Variants in RTN4 observed in about 807,000 individuals in gnomAD.
RTN4 encodes the protein reticulon-4.
Under a neutral mutation model 90.4 loss-of-function variants are expected in RTN4, and 32 were observed. The ratio of observed to expected loss-of-function variants is 0.35; its 90% confidence interval spans 0.27 to 0.48. The LOEUF is 0.48. Ranked by LOEUF, RTN4 falls within the 20% of genes least tolerant of loss-of-function variation. The pLI, the probability that RTN4 is intolerant of heterozygous loss-of-function variation, is 0.99. For missense variants in RTN4, 1,706 were observed against 1,430.2 expected (o/e 1.19, Z -3.11); for synonymous variants, 629 against 552.5 (o/e 1.14, Z -1.94).
At chr2:54,996,421 T>C (rs1300101172) in intron 3 of RTN4, among the ~76,000 whole-genome samples, 1 of 152,150 alleles carries the variant, frequency 6.6e-6, no homozygotes, top group Non-Finnish European at 1.5e-5. Context: ...GACTCGAACC[T>C]CCCTATATCA....
chr2:55,026,623 G>A lies in RTN4; in HGVS notation c.1476C>T (p.Thr492=), dbSNP rs115896469. Residue 492 remains threonine, a synonymous_variant, in exon 3 of 9, where the codon ACC becomes ACT. Coordinates refer to ENST00000337526, the MANE Select transcript of RTN4 (RefSeq NM_020532.5). ...LLGDPTSENK[T]DEKKIEEKKA... is the part of the protein sequence containing the mutation. ...TCTTTTCTTCTATTTTTTTTTCATC[G>A]GTCTTATTTTCTGAAGTAGGATCTC... 619 of 1,608,994 alleles carry A rather than the reference G, an allele frequency of 3.8e-4. 5 individuals carry two copies. The South Asian group carries it at 4.9e-3, about 13-fold the overall frequency.
intron 1 of RTN4, among the ~76,000 whole-genome samples, chr2:55,039,451 TAAAA>T (rs1558840619): frequency 6.6e-6 from 1 of 151,852 alleles, no homozygotes; most frequent in South Asian, 2.1e-4. Flanking sequence ...ACTGTAAAAA[TAAAA>T]AGAAAGAAAG....
chr2:55,034,460 C>A (rs1352858313), intron 1 of RTN4, among the ~76,000 whole-genome samples: 1 of 152,096 alleles, frequency 6.6e-6, no homozygotes, highest in Non-Finnish European at 1.5e-5. Context: ...TATGATCAGG[C>A]CACTGGACTC....
At chr2:54,974,036 A>G (rs1366199674) in intron 6 of RTN4, 169 bp from the exon 7 acceptor site, 32 of 579,858 alleles carry the variant, frequency 5.5e-5, no homozygotes, top group Non-Finnish European at 9.1e-5. Context: ...GCCACTCCAG[A>G]GGAATGAATG....
chr2:55,046,756 C>A (rs942550116), intron 1 of RTN4: 7 of 152,164 alleles, frequency 4.6e-5, no homozygotes, highest in African/African-American at 1.7e-4. Context: ...ATTAAGAAAT[C>A]CAGACACATT....
chr2:55,115,577 A>G (rs182837628), upstream of RTN4, among the ~76,000 whole-genome samples: 2 of 152,360 alleles, frequency 1.3e-5, no homozygotes, highest in East Asian at 3.9e-4. Flanking sequence ...TCACAAAATC[A>G]TGAGAAACGA....
At chr2:55,033,768 T>C (rs536905947) in intron 1 of RTN4, among the ~76,000 whole-genome samples, 4 of 152,206 alleles carry the variant, frequency 2.6e-5, no homozygotes, top group Non-Finnish European at 5.9e-5. Flanking sequence ...ATAACAGTTG[T>C]TTTATATTTT....
chr2:54,973,217 A>T lies in RTN4; in HGVS notation c.3537-19T>A, dbSNP rs759611253. Reference sequence around the variant, plus strand: ...TTGGATTCTGAAAATGAAAAAGTCAATGTAAATATCAGTTTTGTTTGCTGC... The same window carrying T: ...TTGGATTCTGAAAATGAAAAAGTCATTGTAAATATCAGTTTTGTTTGCTGC... On this transcript the variant is annotated intron_variant, in intron 8 of 8. Coordinates refer to ENST00000337526, the MANE Select transcript of RTN4 (RefSeq NM_020532.5). The T allele has an allele frequency of 1.3e-6, 2 of 1,596,210 alleles. No individual in the cohort carries two copies. Among genetic ancestry groups the T allele is most frequent in the South Asian group, 2.2e-5 (2 of 89,962 alleles).
intron 2 of RTN4, among the ~76,000 whole-genome samples, chr2:55,070,928 C>G (rs1436189438): frequency 6.6e-6 from 1 of 151,936 alleles, no homozygotes; most frequent in Admixed American, 6.6e-5. Context: ...AGGTGCCCAC[C>G]ACCACGCCTG....
At chr2:55,010,320 A>G in intron 3 of RTN4, 2 of 1,391,088 alleles carry the variant, frequency 1.4e-6, no homozygotes, top group Non-Finnish European at 1.9e-6. Flanking sequence ...ACGCAGTGCA[A>G]TCTGTAACTA....
At chr2:55,120,079 G>C in the RTN4 span, among the ~76,000 whole-genome samples, 1 of 152,248 alleles carries the variant, frequency 6.6e-6, no homozygotes, top group Non-Finnish European at 1.5e-5. Context: ...CCACGGCACT[G>C]AGAGGTGGGG....
At chr2:55,130,433 T>A in the RTN4 span, among the ~76,000 whole-genome samples, 6 of 152,196 alleles carry the variant, frequency 3.9e-5, no homozygotes, top group Non-Finnish European at 7.3e-5. Context: ...TGTTAATCAT[T>A]TCACAATGTA....
At chr2:55,024,686 T>A (rs1423058114) in intron 3 of RTN4, among the ~76,000 whole-genome samples, 1 of 152,090 alleles carries the variant, frequency 6.6e-6, no homozygotes, top group African/African-American at 2.4e-5. Context: ...CTATAGAAAT[T>A]TTCTTTAAAA....
intron 1 of RTN4, among the ~76,000 whole-genome samples, chr2:55,091,777 A>G (rs963971645): frequency 3.9e-5 from 6 of 152,246 alleles, no homozygotes; most frequent in Non-Finnish European, 7.3e-5. Flanking sequence ...ACAGTTCCAC[A>G]TGGCTGGGGA....
At chr2:55,055,652 C>T (rs1483166647), upstream of RTN4, among the ~76,000 whole-genome samples, 2 of 151,928 alleles carry the variant, frequency 1.3e-5, no homozygotes, top group African/African-American at 4.8e-5. Flanking sequence ...CGCCTGTAGT[C>T]CCAGCTACTC....
chr2:55,000,952 C>T (rs556308778), intron 3 of RTN4, among the ~76,000 whole-genome samples: 1 of 151,796 alleles, frequency 6.6e-6, no homozygotes, highest in South Asian at 2.1e-4. Flanking sequence ...TAGAAGCAAT[C>T]TGAATTGTTC....
rs1369892898 is a variant in RTN4 at position 54,973,111 on chromosome 2, A to C, written c.*45T>G. On this transcript the variant is annotated 3_prime_UTR_variant, in exon 9 of 9. Coordinates refer to ENST00000337526, the MANE Select transcript of RTN4 (RefSeq NM_020532.5). Reference sequence around the variant, plus strand: ...GACCCTCCCCCGTATAATCAAATGAATATCCCCTTTAAAGATGAACTCCTA... The same window carrying C: ...GACCCTCCCCCGTATAATCAAATGACTATCCCCTTTAAAGATGAACTCCTA... 5 of 1,529,784 alleles carry C rather than the reference A, an allele frequency of 3.3e-6. No homozygotes were observed. The highest frequency in any genetic ancestry group is 2.3e-5 in the South Asian group (2 of 87,194). 94.8% of individuals were successfully genotyped at this position (1,529,784 alleles called of 1,614,324 possible). A position where few individuals can be genotyped will look rare whatever the true frequency, so the allele number is the denominator to read the frequency against.
chr2:54,987,542 T>C lies in RTN4; in HGVS notation c.3170A>G (p.Tyr1057Cys), dbSNP rs1272685798. The C allele has an allele frequency of 6.2e-7, 1 of 1,614,180 alleles. No homozygotes were observed. Among genetic ancestry groups the C allele is most frequent in the East Asian group, 2.2e-5 (1 of 44,878 alleles). ...CTGGATAGCTTGGATCACACCCTTGTATATCCTAAAGCTGATGGTCACAGA... is the reference window on the plus strand; with the variant it reads ...CTGGATAGCTTGGATCACACCCTTGCATATCCTAAAGCTGATGGTCACAGA... The part of the protein sequence containing the change: ...LLSVTISFRI[Y>C]KGVIQAIQKS... Residue 1057 changes from tyrosine (Y) to cysteine (C), a missense_variant, in exon 4 of 9, where the codon TAC becomes TGC. Physicochemically the swap from Tyr to Cys is radical, Grantham distance 194. Transcript: ENST00000337526.
chr2:55,059,824 ACT>A (rs1300894988), intron 2 of RTN4, among the ~76,000 whole-genome samples: 2 of 151,624 alleles, frequency 1.3e-5, no homozygotes, highest in Admixed American at 1.3e-4. Flanking sequence ...ACGGAGTGAG[ACT>A]CTGTCTCAAA....
Sources: gnomAD v4.1 joint callset for allele counts (sites outside exome capture counted in the v4.1 genomes callset) on GRCh38, gnomAD v4.1.1 for gene constraint, MANE v1.5 for transcripts, NCBI Gene and HGNC (gene_info 2026-07-23, HGNC 2026-07-21) for gene names.